Variants in ARID2 observed in about 807,000 individuals in gnomAD.
The protein encoded by ARID2 is AT-rich interactive domain-containing protein 2.
In ARID2, 32 loss-of-function variants were observed where a neutral mutation model predicts 184.6. That is an observed-to-expected ratio of 0.17 (90% CI 0.13 to 0.23). ARID2 has a LOEUF of 0.23. ARID2 is among the 10% of genes least tolerant of loss of function. The pLI is 1.00. For synonymous variants in ARID2, 836 were observed against 772.6 expected (o/e 1.08, Z -1.36); for missense variants, 1,696 against 2,197.6 (o/e 0.77, Z 4.56).
chr12:45,759,495 T>C (rs1271024986), intron 3 of ARID2, among the ~76,000 whole-genome samples: 1 of 152,190 alleles, frequency 6.6e-6, no homozygotes, highest in Non-Finnish European at 1.5e-5. Flanking sequence ...TGCAATATGA[T>C]CTAGGAGATT....
rs1276351592 is a variant in ARID2 at position 45,749,726 on chromosome 12, C to T, written c.284+18412C>T. On this transcript the variant is annotated intron_variant, in intron 3 of 20. Coordinates refer to ENST00000334344, the MANE Select transcript of ARID2 (RefSeq NM_152641.4). ...GATTCACTGTCACCACTTGCTGCTT[C>T]ACCTTGCACTTTTATGTTATGAAGA... 3.3e-5 allele frequency among the ~76,000 whole-genome samples: 5 copies of T among 152,350 alleles called. No individual in the cohort carries two copies. In the East Asian group the frequency reaches 7.7e-4, roughly 23 times the overall value.
At position 45,830,760 on chromosome 12, in the gene ARID2, A is replaced by G. The variant is rs191790179; in HGVS notation, c.706-5829A>G. Among the ~76,000 whole-genome samples the G allele has an allele frequency of 1.2e-4, 19 of 152,262 alleles. No individual in the cohort carries two copies. In the East Asian group the frequency reaches 3.1e-3, roughly 25 times the overall value. On this transcript the variant is annotated intron_variant, in intron 6 of 20. Coordinates refer to ENST00000334344, the MANE Select transcript of ARID2 (RefSeq NM_152641.4). ...TCACTAATCACATGAAATCAAGAAA[A>G]CACAAATGGCTGGGCACGGTGGCTC...
chr12:45,903,021 G>A (rs1411892722), intron 20 of ARID2, among the ~76,000 whole-genome samples: 1 of 152,138 alleles, frequency 6.6e-6, no homozygotes, highest in Admixed American at 6.5e-5. Flanking sequence ...AGCAATATCA[G>A]TTGAAATCTT....
intron 2 of ARID2, among the ~76,000 whole-genome samples, chr12:45,730,969 A>G (rs1197162149): frequency 6.6e-6 from 1 of 151,464 alleles, no homozygotes; most frequent in Non-Finnish European, 1.5e-5. Context: ...TCCGGGCTTC[A>G]AAAACAAAAC....
At position 45,891,870 on chromosome 12, in the gene ARID2, T is replaced by C. The variant is rs2138232455; in HGVS notation, c.5013T>C (p.Gly1671=). The change falls in exon 17 of 21, where the codon GGT becomes GGC. Residue 1671 remains glycine, a synonymous_variant. Transcript: ENST00000334344. ...DVYPGQCLWE[G]CEPFQRQRFS... ...ATCCAGGGCAGTGTCTTTGGGAAGGTTGTGAGCCTTTTCAGCGACAGCGGT... is the reference window on the plus strand; with the variant it reads ...ATCCAGGGCAGTGTCTTTGGGAAGGCTGTGAGCCTTTTCAGCGACAGCGGT... 2 of 1,614,142 alleles carry C rather than the reference T, an allele frequency of 1.2e-6. No individual in the cohort carries two copies. The highest frequency in any genetic ancestry group is 1.7e-6 in the Non-Finnish European group (2 of 1,180,000).
chr12:45,747,845 GTCT>G (rs765045472), intron 3 of ARID2, among the ~76,000 whole-genome samples: 5 of 152,138 alleles, frequency 3.3e-5, no homozygotes, highest in Non-Finnish European at 7.4e-5. Context: ...CTCCCTATCT[GTCT>G]TCACAAGCTA....
chr12:45,763,644 A>G (rs1231918403), intron 3 of ARID2, among the ~76,000 whole-genome samples: 1 of 151,736 alleles, frequency 6.6e-6, no homozygotes, highest in African/African-American at 2.4e-5. Flanking sequence ...GACTACAAAA[A>G]AAAAAAAATT....
intron 16 of ARID2, among the ~76,000 whole-genome samples, chr12:45,871,298 T>G (rs1329804820): frequency 1.3e-5 from 2 of 152,198 alleles, no homozygotes; most frequent in African/African-American, 2.4e-5. Flanking sequence ...TTAATTTGGT[T>G]GTTTGCTGAG....
chr12:45,804,160 C>T (rs1012354776), intron 3 of ARID2, among the ~76,000 whole-genome samples: 2 of 152,046 alleles, frequency 1.3e-5, no homozygotes, highest in Admixed American at 6.6e-5. Context: ...CCTGAGAAGG[C>T]CTGTACTGGA....
intron 4 of ARID2, among the ~76,000 whole-genome samples, chr12:45,812,401 A>G (rs556952164): frequency 6.6e-6 from 1 of 151,990 alleles, no homozygotes; most frequent in Non-Finnish European, 1.5e-5. Flanking sequence ...TCTATTTTCA[A>G]AGTTTCTTAA....
chr12:45,846,756 G>A, intron 11 of ARID2, 100 bp from the exon 12 acceptor site: 3 of 979,692 alleles, frequency 3.1e-6, no homozygotes, highest in South Asian at 3.0e-5. Flanking sequence ...TTTTAAAAAG[G>A]TATTCATTGT....
At chr12:45,812,887 C>A (rs966496720) in intron 4 of ARID2, among the ~76,000 whole-genome samples, 1 of 152,104 alleles carries the variant, frequency 6.6e-6, no homozygotes, top group Non-Finnish European at 1.5e-5. Context: ...CTTTGGTGTC[C>A]GCTACTACTG....
chr12:45,822,323 A>G (rs1172345348), intron 6 of ARID2, among the ~76,000 whole-genome samples: 1 of 152,106 alleles, frequency 6.6e-6, no homozygotes, highest in Non-Finnish European at 1.5e-5. Flanking sequence ...GCAACAAAGC[A>G]AGACCCCATC....
intron 6 of ARID2, among the ~76,000 whole-genome samples, chr12:45,835,760 C>T (rs1441066171): frequency 2.6e-5 from 4 of 152,028 alleles, no homozygotes; most frequent in South Asian, 2.1e-4. Context: ...ATTAGTTGGG[C>T]GTGGTGGCGC....
Position 45,836,999 on chromosome 12 carries a change from T to C in ARID2, c.1023+8T>C, listed in dbSNP as rs757150375. The stretch of plus-strand genomic sequence containing the variant: ...GGAAATATTGCAGCTGAGGTAAGCA[T>C]GTGACTGTACCTTAAACTAGTTTTT... On this transcript the variant is annotated splice_region_variant and intron_variant, in intron 8 of 20. Transcript: ENST00000334344. 1.9e-6 allele frequency: 3 copies of C among 1,611,988 alleles called. No homozygotes were observed. Among genetic ancestry groups the C allele is most frequent in the South Asian group, 1.1e-5 (1 of 90,752 alleles).
At chr12:45,795,428 T>C (rs1039160117) in intron 3 of ARID2, among the ~76,000 whole-genome samples, 1 of 152,086 alleles carries the variant, frequency 6.6e-6, no homozygotes, top group Admixed American at 6.5e-5. Context: ...CTTCCTTTTC[T>C]TTTTCTTTTT....
intron 3 of ARID2, among the ~76,000 whole-genome samples, chr12:45,796,013 A>G (rs1467676231): frequency 1.3e-5 from 2 of 152,108 alleles, no homozygotes; most frequent in Admixed American, 6.6e-5. Context: ...CTCGTTTTAG[A>G]TATCTTTCTA....
At chr12:45,843,817 C>G (rs1023526724) in intron 11 of ARID2, among the ~76,000 whole-genome samples, 2 of 152,086 alleles carry the variant, frequency 1.3e-5, no homozygotes, top group Admixed American at 6.6e-5. Flanking sequence ...TGCCACGTAA[C>G]CTAGTAAAGA....
At chr12:45,772,139 A>C (rs1281241460) in intron 3 of ARID2, among the ~76,000 whole-genome samples, 1 of 152,242 alleles carries the variant, frequency 6.6e-6, no homozygotes, top group Non-Finnish European at 1.5e-5. Flanking sequence ...AAAATGCTAC[A>C]TTAGGAAATA....
Sources: allele counts gnomAD v4.1 joint callset (sites outside exome capture counted in the v4.1 genomes callset), GRCh38; gene constraint gnomAD v4.1.1; transcripts MANE v1.5; gene names NCBI Gene and HGNC (gene_info 2026-07-23, HGNC 2026-07-21).